Variants in FUT8 observed in about 807,000 individuals in gnomAD.
FUT8 encodes fucosyltransferase 8, also known as alpha-(1,6)-fucosyltransferase.
A neutral mutation model predicts 71.3 loss-of-function variants in FUT8; 29 were observed. That is an observed-to-expected ratio of 0.41 (90% CI 0.30 to 0.55). The LOEUF is 0.55. Ranked by LOEUF, FUT8 falls within the 20% of genes least tolerant of loss-of-function variation. The probability of loss-of-function intolerance (pLI) is 0.34; values close to 1 mark genes in which losing one functional copy is unlikely to be tolerated. For missense variants in FUT8, 544 were observed against 702.1 expected (o/e 0.77, Z 2.55); for synonymous variants, 254 against 239.3 (o/e 1.06, Z -0.57).
intron 2 of FUT8, among the ~76,000 whole-genome samples, chr14:65,477,947 A>C (rs2066272574): frequency 1.3e-5 from 2 of 152,098 alleles, no homozygotes; most frequent in South Asian, 4.1e-4. Flanking sequence ...AAGGCAGCAG[A>C]AAAGTCAGAA....
intron 7 of FUT8, among the ~76,000 whole-genome samples, chr14:65,716,324 T>A (rs1039246415): frequency 1.3e-5 from 2 of 152,022 alleles, no homozygotes; most frequent in African/African-American, 4.8e-5. Context: ...ATATTTATAA[T>A]TATTATATCT....
At chr14:65,661,815 TG>T (rs541678162) in intron 6 of FUT8, among the ~76,000 whole-genome samples, 100 of 152,344 alleles carry the variant, frequency 6.6e-4, no homozygotes, top group African/African-American at 2.3e-3. Flanking sequence ...GTTCTTTTTT[TG>T]CAAAGTGGAA....
chr14:65,394,891 G>A, the FUT8 span, among the ~76,000 whole-genome samples: 1 of 151,984 alleles, frequency 6.6e-6, no homozygotes, highest in Non-Finnish European at 1.5e-5. Context: ...CTACAGGCAT[G>A]TGCCACTATG....
intron 2 of FUT8, among the ~76,000 whole-genome samples, chr14:65,528,059 A>G (rs184473964): frequency 6.6e-6 from 1 of 152,214 alleles, no homozygotes; most frequent in Non-Finnish European, 1.5e-5. Flanking sequence ...TGGGAGAACC[A>G]CTACTCTCTT....
chr14:65,442,518 A>AATACATACATAC (rs142250322), intron 1 of FUT8, among the ~76,000 whole-genome samples: 40 of 148,764 alleles, frequency 2.7e-4, no homozygotes, highest in Non-Finnish European at 4.5e-4. Flanking sequence ...GACCATCATA[A>AATACATACATAC]ATACATACAT....
At chr14:65,533,243 G>A (rs1884073865) in intron 2 of FUT8, among the ~76,000 whole-genome samples, 1 of 152,140 alleles carries the variant, frequency 6.6e-6, no homozygotes, top group South Asian at 2.1e-4. Context: ...GCTCTGGGCA[G>A]TATGGCAATT....
intron 6 of FUT8, among the ~76,000 whole-genome samples, chr14:65,655,115 G>T (rs568041487): frequency 6.6e-6 from 1 of 151,594 alleles, no homozygotes; most frequent in Non-Finnish European, 1.5e-5. Flanking sequence ...CACATATAAC[G>T]ATATAGGTAG....
At chr14:65,715,635 A>T (rs1009825941) in intron 7 of FUT8, among the ~76,000 whole-genome samples, 1 of 152,142 alleles carries the variant, frequency 6.6e-6, no homozygotes, top group African/African-American at 2.4e-5. Context: ...ACTGTATCCC[A>T]TAGGTTTTGG....
At chr14:65,372,165 C>T in the FUT8 span, among the ~76,000 whole-genome samples, 40 of 152,164 alleles carry the variant, frequency 2.6e-4, no homozygotes, top group African/African-American at 9.4e-4. Flanking sequence ...GCCACCTCCT[C>T]CCCTACACAA....
intron 6 of FUT8, among the ~76,000 whole-genome samples, chr14:65,645,576 G>T (rs1363122214): frequency 2.0e-5 from 3 of 152,162 alleles, no homozygotes; most frequent in Non-Finnish European, 4.4e-5. Flanking sequence ...CTTCATATTT[G>T]TAGTACTGCT....
chr14:65,633,129 C>T (rs1890297404), intron 6 of FUT8, among the ~76,000 whole-genome samples: 1 of 152,070 alleles, frequency 6.6e-6, no homozygotes, highest in Non-Finnish European at 1.5e-5. Flanking sequence ...CCTGATTCTC[C>T]TGCCTCAGCC....
chr14:65,399,655 A>C, the FUT8 span, among the ~76,000 whole-genome samples: 1 of 152,246 alleles, frequency 6.6e-6, no homozygotes, highest in East Asian at 1.9e-4. Flanking sequence ...GGAATATTAA[A>C]GGTAAAAGGA....
intron 7 of FUT8, among the ~76,000 whole-genome samples, chr14:65,712,881 C>A (rs1325727823): frequency 1.3e-5 from 2 of 152,172 alleles, no homozygotes; most frequent in African/African-American, 2.4e-5. Context: ...GTATCCATCA[C>A]CTCAAGCATT....
At chr14:65,717,688 G>C (rs1445592527) in intron 7 of FUT8, among the ~76,000 whole-genome samples, 1 of 145,506 alleles carries the variant, frequency 6.9e-6, no homozygotes, top group Non-Finnish European at 1.5e-5. Flanking sequence ...GCTGGGCAGA[G>C]ATGCTCCTCA....
chr14:65,633,351 C>T lies in FUT8; in HGVS notation c.597+3745C>T, dbSNP rs866622842. Among the ~76,000 whole-genome samples the T allele has an allele frequency of 1.3e-3, 197 of 152,238 alleles. 1 individual carries two copies. The highest frequency in any genetic ancestry group is 4.5e-3 in the African/African-American group (187 of 41,538). On this transcript the variant is annotated intron_variant, in intron 6 of 10. Coordinates refer to ENST00000673929, the MANE Select transcript of FUT8 (RefSeq NM_001371533.1). ...TGGTGCCCAGGCTGGAGTGCAGTGG[C>T]GTGATCTCGGCTCGCTACAACCTCC...
At chr14:65,488,095 T>G (rs1466266161) in intron 2 of FUT8, among the ~76,000 whole-genome samples, 6 of 152,156 alleles carry the variant, frequency 3.9e-5, no homozygotes, top group Non-Finnish European at 7.4e-5. Context: ...GTGCTGAGAT[T>G]AGGGGCGTGA....
chr14:65,461,503 A>G (rs892216258), intron 2 of FUT8, among the ~76,000 whole-genome samples: 2 of 152,150 alleles, frequency 1.3e-5, no homozygotes, highest in African/African-American at 4.8e-5. Context: ...TGTCCATGAA[A>G]CTATGGCAGA....
chr14:65,409,038 T>G (rs899819198), upstream of FUT8, among the ~76,000 whole-genome samples: 1 of 152,210 alleles, frequency 6.6e-6, no homozygotes, highest in African/African-American at 2.4e-5. The surrounding 1 kb of genome is among the most constrained non-coding windows in gnomAD (Gnocchi z 5.4). Flanking sequence ...TGGCTAGATT[T>G]ATAGTTTTAG....
chr14:65,595,643 C>G (rs977331274), intron 3 of FUT8, among the ~76,000 whole-genome samples: 6 of 113,544 alleles, frequency 5.3e-5, no homozygotes, highest in African/African-American at 2.0e-4. Context: ...GAGTCTCTCT[C>G]TGTCACCCAG....
Sources: gnomAD v4.1 joint callset for allele counts (sites outside exome capture counted in the v4.1 genomes callset) on GRCh38, gnomAD v4.1.1 for gene constraint, Gnocchi (gnomAD v3.1) non-coding constraint, MANE v1.5 for transcripts, NCBI Gene and HGNC (gene_info 2026-07-23, HGNC 2026-07-21) for gene names.